PXDNL: variants seen among roughly 807,000 people sequenced by gnomAD.
PXDNL encodes the protein peroxidasin like, also known as probable oxidoreductase PXDNL.
Under a neutral mutation model 150.8 loss-of-function variants are expected in PXDNL, and 145 were observed. That is an observed-to-expected ratio of 0.96 (90% confidence interval 0.84 to 1.10). The LOEUF (loss-of-function observed/expected upper bound fraction) is 1.10, where lower values mean the gene tolerates loss of function less well. Among genes scored for constraint, PXDNL ranks in the 50% least tolerant of loss-of-function variants. The pLI is 0.00. For synonymous variants in PXDNL, 757 were observed against 725.7 expected, an observed-to-expected ratio of 1.04 and a Z score of -0.69; for missense variants, 2,087 against 1,873.9, an observed-to-expected ratio of 1.11 and a Z score of -2.10.
intron 2 of PXDNL, among the ~76,000 whole-genome samples, chr8:51,604,820 T>C (rs1813804443): frequency 6.6e-6 from 1 of 152,182 alleles, no homozygotes; most frequent in Admixed American, 6.5e-5. Flanking sequence ...TGCTATTGTG[T>C]CATCTTCTGA....
At position 51,613,019 on chromosome 8, in the gene PXDNL, G is replaced by A. The variant is rs561819606; in HGVS notation, c.237-20321C>T. On this transcript the variant is annotated intron_variant, in intron 2 of 22. Transcript: ENST00000356297. ...GCCTAACTTGGGAGGTTACTGCTGC[G>A]ATGTAAGGCAGATGCCGCAAGGACC... Among the ~76,000 whole-genome samples the A allele has an allele frequency of 6.6e-5, 10 of 152,242 alleles. No individual in the cohort carries two copies. The South Asian group carries it at 1.7e-3, about 25-fold the overall frequency.
chr8:51,757,072 TC>T (rs1371369447), intron 1 of PXDNL, among the ~76,000 whole-genome samples: 1 of 152,242 alleles, frequency 6.6e-6, no homozygotes, highest in African/African-American at 2.4e-5. Flanking sequence ...GGTATACTTT[TC>T]TCTGATAGTG....
intron 19 of PXDNL, among the ~76,000 whole-genome samples, chr8:51,357,683 G>T (rs777617870): frequency 2.0e-5 from 3 of 152,208 alleles, no homozygotes; most frequent in Non-Finnish European, 4.4e-5. Flanking sequence ...GGCAACACCA[G>T]AGTGGAACAA....
At chr8:51,633,626 G>A (rs1220905610) in intron 2 of PXDNL, among the ~76,000 whole-genome samples, 2 of 152,102 alleles carry the variant, frequency 1.3e-5, no homozygotes, top group African/African-American at 2.4e-5. Flanking sequence ...TCTAGCCTGT[G>A]TGACAGAGCA....
At chr8:51,428,108 A>G (rs1029372905) in intron 12 of PXDNL, among the ~76,000 whole-genome samples, 6 of 152,224 alleles carry the variant, frequency 3.9e-5, no homozygotes, top group African/African-American at 1.2e-4. Context: ...CTTTTTAAAA[A>G]ATACAATTTA....
At chr8:51,380,972 C>A (rs143305564) in intron 17 of PXDNL, among the ~76,000 whole-genome samples, 2 of 151,972 alleles carry the variant, frequency 1.3e-5, no homozygotes, top group South Asian at 2.1e-4. Flanking sequence ...ATTACTGAAA[C>A]GAACCTATTA....
intron 1 of PXDNL, among the ~76,000 whole-genome samples, chr8:51,774,895 A>C (rs1356307691): frequency 1.3e-5 from 2 of 152,180 alleles, no homozygotes; most frequent in Non-Finnish European, 2.9e-5. Flanking sequence ...TGTCAAGAAA[A>C]ATACATTTAA....
chr8:51,743,649 T>A (rs952468221), intron 1 of PXDNL, among the ~76,000 whole-genome samples: 4 of 152,100 alleles, frequency 2.6e-5, no homozygotes, highest in African/African-American at 9.7e-5. Context: ...CCCAAAGTGC[T>A]GGGATTACAG....
At chr8:51,738,647 A>T (rs968150034) in intron 1 of PXDNL, among the ~76,000 whole-genome samples, 3 of 152,004 alleles carry the variant, frequency 2.0e-5, no homozygotes, top group African/African-American at 7.2e-5. Context: ...AAAAAGGAAA[A>T]CTTCCTAAAC....
At chr8:51,755,581 C>T (rs1049169843) in intron 1 of PXDNL, among the ~76,000 whole-genome samples, 3 of 152,180 alleles carry the variant, frequency 2.0e-5, no homozygotes, top group African/African-American at 7.2e-5. Context: ...CATTAGCCGC[C>T]ATGCTCGGCC....
In PXDNL at chr8:51,744,956, GAAAGA is replaced by G. The variant is rs2036963918; in HGVS notation, c.164+64220_164+64224del. Reference sequence around the variant, plus strand: ...AGAAAGAAAGAAAGAAAGAAAGAAAGAAAGAAAGAAAGAAAGAAAGAAAGAAAGAA... The same window carrying G: ...AGAAAGAAAGAAAGAAAGAAAGAAAGAAGAAAGAAAGAAAGAAAGAAAGAA... On this transcript the variant is annotated intron_variant, in intron 1 of 22. Transcript: ENST00000356297. Among the ~76,000 whole-genome samples the G allele has an allele frequency of 2.6e-5, 3 of 116,242 alleles. 1 individual carries two copies. Among genetic ancestry groups the G allele is most frequent in the African/African-American group, 1.2e-4 (3 of 25,980 alleles). 76.3% of individuals were successfully genotyped at this position (116,242 alleles called of 152,430 possible).
intron 1 of PXDNL, among the ~76,000 whole-genome samples, chr8:51,806,895 T>C (rs2037681559): frequency 6.6e-6 from 1 of 152,206 alleles, no homozygotes; most frequent in East Asian, 1.9e-4. Flanking sequence ...CACAGTAGTC[T>C]GCCTTTCATC....
chr8:51,490,011 G>A (rs1404178331), intron 5 of PXDNL, among the ~76,000 whole-genome samples: 1 of 152,166 alleles, frequency 6.6e-6, no homozygotes, highest in Non-Finnish European at 1.5e-5. Context: ...GTTCAAATTA[G>A]AAGACAGGGG....
intron 17 of PXDNL, among the ~76,000 whole-genome samples, chr8:51,377,959 CA>C (rs761779925): frequency 1.3e-5 from 2 of 152,264 alleles, no homozygotes; most frequent in Non-Finnish European, 2.9e-5. Flanking sequence ...GTGCGGTATC[CA>C]CTGGGTGAAG....
intron 14 of PXDNL, among the ~76,000 whole-genome samples, chr8:51,413,857 G>A (rs1808719873): frequency 1.3e-5 from 2 of 152,016 alleles, no homozygotes; most frequent in South Asian, 4.1e-4. Context: ...AAGTTTAACA[G>A]TAAAGGAACA....
intron 1 of PXDNL, among the ~76,000 whole-genome samples, chr8:51,808,555 A>G (rs2037702434): frequency 6.6e-6 from 1 of 152,150 alleles, no homozygotes; most frequent in Admixed American, 6.5e-5. Context: ...TTGACTTCCA[A>G]ATTCTGGTTT....
intron 14 of PXDNL, among the ~76,000 whole-genome samples, chr8:51,418,407 T>A (rs1404615847): frequency 6.6e-6 from 1 of 152,238 alleles, no homozygotes; most frequent in Non-Finnish European, 1.5e-5. Flanking sequence ...ACTTCATTAA[T>A]GTTTGAATAA....
chr8:51,352,702 T>G (rs1806389310), intron 19 of PXDNL, among the ~76,000 whole-genome samples: 1 of 152,172 alleles, frequency 6.6e-6, no homozygotes, highest in South Asian at 2.1e-4. Flanking sequence ...TATTTGTAAA[T>G]TATCCAATCT....
At chr8:51,446,053 T>A (rs868502758) in intron 12 of PXDNL, among the ~76,000 whole-genome samples, 4 of 152,212 alleles carry the variant, frequency 2.6e-5, no homozygotes, top group African/African-American at 4.8e-5. Flanking sequence ...AAAAAAAACA[T>A]TTAATATGTC....
Sources: allele counts gnomAD v4.1 joint callset (sites outside exome capture counted in the v4.1 genomes callset), GRCh38; gene constraint gnomAD v4.1.1; transcripts MANE v1.5; gene names NCBI Gene and HGNC (gene_info 2026-07-23, HGNC 2026-07-21).